Variants in LHFPL3 observed in about 807,000 individuals in gnomAD.
The protein encoded by LHFPL3 is LHFPL tetraspan subfamily member 3.
In LHFPL3, 5 loss-of-function variants were observed where a neutral mutation model predicts 19.3. The observed-to-expected ratio is 0.26, with a 90% CI of 0.14 to 0.54. The LOEUF (loss-of-function observed/expected upper bound fraction) is 0.54. Ranked by LOEUF, LHFPL3 falls within the 20% of genes least tolerant of loss-of-function variation. The pLI is 0.94. For missense variants in LHFPL3, 249 were observed against 307.4 expected (o/e 0.81, Z 1.42); for synonymous variants, 133 against 126.2 (o/e 1.05, Z -0.36).
intron 1 of LHFPL3, among the ~76,000 whole-genome samples, chr7:104,591,990 A>G (rs1485659536): frequency 6.6e-6 from 1 of 151,918 alleles, no homozygotes; most frequent in Non-Finnish European, 1.5e-5. Context: ...TCTTCTCTAC[A>G]CTGTTTATTC....
chr7:104,384,787 C>CAAAAAAAAAAAAAAAAAAAAA (rs771136918), intron 1 of LHFPL3, among the ~76,000 whole-genome samples: 1 of 74,562 alleles, frequency 1.3e-5, no homozygotes, highest in Non-Finnish European at 2.6e-5. Flanking sequence ...AACTCTATTT[C>CAAAAAAAAAAAAAAAAAAAAA]AAAAAAAAAA....
intron 1 of LHFPL3, among the ~76,000 whole-genome samples, chr7:104,577,489 T>C (rs111551505): frequency 0.02 from 2,977 of 152,286 alleles, 96 homozygotes; most frequent in African/African-American, 0.068. Context: ...CACATACCTA[T>C]ATATATGTGT....
At chr7:104,340,952 T>A (rs1027797831) in intron 1 of LHFPL3, among the ~76,000 whole-genome samples, 1 of 152,216 alleles carries the variant, frequency 6.6e-6, no homozygotes, top group African/African-American at 2.4e-5. Context: ...GTTTTTTAAT[T>A]GTGTTAAGAC....
intron 1 of LHFPL3, among the ~76,000 whole-genome samples, chr7:104,691,871 G>A (rs947461817): frequency 6.6e-6 from 1 of 152,188 alleles, no homozygotes; most frequent in Non-Finnish European, 1.5e-5. Flanking sequence ...GAGAAATGTG[G>A]GAAAGTTTGG....
At chr7:104,769,698 G>A (rs1404913386) in intron 2 of LHFPL3, among the ~76,000 whole-genome samples, 9 of 151,656 alleles carry the variant, frequency 5.9e-5, no homozygotes, top group Non-Finnish European at 1.0e-4. Flanking sequence ...TTATGAGTGA[G>A]AACATGCGGT....
At position 104,855,184 on chromosome 7, in the gene LHFPL3, C is replaced by T. The variant is rs116669794; in HGVS notation, c.683-51003C>T. ...GAACAGATTAGTGAGGAGGGGAGAG[C>T]GATACCGTGAGACACCGTGTCATGA... On this transcript the variant is annotated intron_variant, in intron 2 of 2. Coordinates refer to ENST00000424859, the MANE Select transcript of LHFPL3 (RefSeq NM_199000.3). Among the ~76,000 whole-genome samples the T allele has an allele frequency of 5.5e-4, 84 of 152,286 alleles. 1 individual carries two copies. The highest frequency in any genetic ancestry group is 1.9e-3 in the African/African-American group (77 of 41,552).
At chr7:104,720,777 A>G (rs1793475600) in intron 1 of LHFPL3, among the ~76,000 whole-genome samples, 1 of 152,252 alleles carries the variant, frequency 6.6e-6, no homozygotes, top group African/African-American at 2.4e-5. Context: ...GCCAACAGAC[A>G]CATGAAAAAA....
At chr7:104,744,552 C>T (rs1450884077) in intron 2 of LHFPL3, among the ~76,000 whole-genome samples, 6 of 152,098 alleles carry the variant, frequency 3.9e-5, no homozygotes, top group African/African-American at 1.4e-4. Flanking sequence ...CCTTAGATGC[C>T]CTTATAGAAT....
At chr7:104,830,737 C>A (rs1790935474) in intron 2 of LHFPL3, among the ~76,000 whole-genome samples, 1 of 151,756 alleles carries the variant, frequency 6.6e-6, no homozygotes, top group African/African-American at 2.4e-5. Context: ...TTACTGTAGC[C>A]TTGTAGTATA....
chr7:104,687,473 TG>T (rs1792828372), intron 1 of LHFPL3, among the ~76,000 whole-genome samples: 4 of 152,314 alleles, frequency 2.6e-5, no homozygotes, highest in Admixed American at 2.6e-4. Flanking sequence ...GGTAGGGGGC[TG>T]GAGCCAAAAG....
chr7:104,599,021 A>G (rs969879709), intron 1 of LHFPL3, among the ~76,000 whole-genome samples: 1 of 152,194 alleles, frequency 6.6e-6, no homozygotes, highest in Non-Finnish European at 1.5e-5. Flanking sequence ...CCATTTTTCC[A>G]TGAATTTTTA....
chr7:104,729,269 A>AACATATAAT (rs1348516031), intron 1 of LHFPL3, among the ~76,000 whole-genome samples: 1 of 152,196 alleles, frequency 6.6e-6, no homozygotes, highest in East Asian at 1.9e-4. Context: ...ATTTATGGCA[A>AACATATAAT]ACATATAATG....
chr7:104,330,630 A>G (rs1437602637), intron 1 of LHFPL3, among the ~76,000 whole-genome samples: 1 of 152,154 alleles, frequency 6.6e-6, no homozygotes, highest in Non-Finnish European at 1.5e-5. Flanking sequence ...AAAAGTGTGT[A>G]TGTGAAAAGC....
intron 2 of LHFPL3, among the ~76,000 whole-genome samples, chr7:104,897,132 G>A (rs192854495): frequency 1.3e-3 from 196 of 151,910 alleles, no homozygotes; most frequent in Admixed American, 4.0e-3. Flanking sequence ...ATTTATTTCT[G>A]CATTTTAGAA....
chr7:104,455,362 A>G (rs980810825), intron 1 of LHFPL3, among the ~76,000 whole-genome samples: 123 of 146,950 alleles, frequency 8.4e-4, no homozygotes, highest in Non-Finnish European at 1.5e-3. Flanking sequence ...AAGCGCTTCT[A>G]AAAAACAGAA....
chr7:104,766,469 C>T (rs1794460973), intron 2 of LHFPL3, among the ~76,000 whole-genome samples: 2 of 152,136 alleles, frequency 1.3e-5, no homozygotes, highest in African/African-American at 2.4e-5. Flanking sequence ...AACTTTAAAA[C>T]TAAAATACTT....
chr7:104,854,118 A>C (rs10272668), intron 2 of LHFPL3, among the ~76,000 whole-genome samples: 15,238 of 152,210 alleles, frequency 0.1, 1,616 homozygotes, highest in East Asian at 0.43. Context: ...AACTTCACGT[A>C]TACATAGGAG....
intron 2 of LHFPL3, among the ~76,000 whole-genome samples, chr7:104,868,676 A>G (rs1791774863): frequency 6.6e-6 from 1 of 152,200 alleles, no homozygotes; most frequent in African/African-American, 2.4e-5. Context: ...ATTCAGTGCC[A>G]TCCCCATCAA....
chr7:104,810,913 C>T (rs1790452614), intron 2 of LHFPL3, among the ~76,000 whole-genome samples: 1 of 152,200 alleles, frequency 6.6e-6, no homozygotes, highest in Non-Finnish European at 1.5e-5. Flanking sequence ...AATTAAGACA[C>T]ATTTTATGGT....
Sources: allele counts gnomAD v4.1 joint callset (sites outside exome capture counted in the v4.1 genomes callset), GRCh38; gene constraint gnomAD v4.1.1; transcripts MANE v1.5; gene names NCBI Gene and HGNC (gene_info 2026-07-23, HGNC 2026-07-21).